The following NFXL1 variants were observed in gnomAD, a reference collection of about 807,000 sequenced individuals.
The protein encoded by NFXL1 is nuclear transcription factor, X-box binding like 1, also known as NF-X1-type zinc finger protein NFXL1.
Under a neutral mutation model 123.3 loss-of-function variants are expected in NFXL1, and 66 were observed. That is an observed-to-expected ratio of 0.54 (90% CI 0.44 to 0.66). The LOEUF is 0.66. NFXL1 is among the 30% of genes least tolerant of loss of function. The probability of loss-of-function intolerance (pLI) is 0.00; values close to 1 mark genes in which losing one functional copy is unlikely to be tolerated. For missense variants in NFXL1, 944 were observed against 1,125.6 expected (o/e 0.84, Z 2.31); for synonymous variants, 346 against 360.8 (o/e 0.96, Z 0.46).
intron 19 of NFXL1, 87 bp downstream of exon 19, chr4:47,862,759 G>T: frequency 1.3e-6 from 1 of 786,942 alleles, no homozygotes; most frequent in Non-Finnish European, 2.2e-6. Context: ...GAGAAGACCT[G>T]AAATAATTTG....
In NFXL1 at chr4:47,914,463, G is replaced by T; in HGVS notation, c.-101C>A. 2.4e-6 allele frequency: 1 copy of T among 417,300 alleles called. No homozygotes were observed. 25.8% of individuals were successfully genotyped at this position (417,300 alleles called of 1,614,324 possible). On this transcript the variant is annotated 5_prime_UTR_variant, in exon 1 of 23. It adds an upstream start codon to the 5' untranslated region. Coordinates refer to ENST00000507489, the MANE Select transcript of NFXL1 (RefSeq NM_001278624.2). ...TAAACCGCGGAGCAAGAAGCACACA[G>T]TGCCGAAGACAGAAAGCCGGAGGAG...
At chr4:47,904,172 A>G (rs1384659453) in intron 4 of NFXL1, among the ~76,000 whole-genome samples, 1 of 152,184 alleles carries the variant, frequency 6.6e-6, no homozygotes, top group Non-Finnish European at 1.5e-5. Flanking sequence ...GCTGATTACC[A>G]CTAAGGGCCA....
At chr4:47,871,186 T>TA (rs947246369) in intron 18 of NFXL1, among the ~76,000 whole-genome samples, 318 of 151,470 alleles carry the variant, frequency 2.1e-3, no homozygotes, top group African/African-American at 7.3e-3. Flanking sequence ...CTGTCTCTAC[T>TA]AAAAAAAATA....
In NFXL1 at chr4:47,910,925, TCAA is replaced by T. The variant is rs759881827; in HGVS notation, c.302_304del (p.Val101del). On this transcript the variant is annotated inframe_deletion, in exon 3 of 23. Transcript: ENST00000507489. ...TTCAGATGAAGAGCTAAACTGTTCT[TCAA>T]CAAGTTTTCTGGCTGCAGCTTGGTT... 2.9e-5 allele frequency: 47 copies of T among 1,608,962 alleles called. No individual in the cohort carries two copies. Among genetic ancestry groups the T allele is most frequent in the Non-Finnish European group, 3.8e-5 (45 of 1,177,702 alleles).
At chr4:47,885,799 A>C (rs1736393757) in intron 13 of NFXL1, 80 bp downstream of exon 13, 5 of 1,508,582 alleles carry the variant, frequency 3.3e-6, no homozygotes, top group Non-Finnish European at 4.5e-6. Flanking sequence ...ACACTAAAGC[A>C]AAATTAAATT....
At chr4:47,900,973 G>A (rs1186440789) in intron 5 of NFXL1, among the ~76,000 whole-genome samples, 1 of 152,100 alleles carries the variant, frequency 6.6e-6, no homozygotes, top group African/African-American at 2.4e-5. Context: ...TAGTGTGGAG[G>A]GGGATATGTA....
At chr4:47,850,994 T>G in intron 22 of NFXL1, 101 bp downstream of exon 22, 1 of 835,620 alleles carries the variant, frequency 1.2e-6, no homozygotes, top group Non-Finnish European at 2.0e-6. Flanking sequence ...CAGTTCACAA[T>G]AGAGACTAGA....
intron 15 of NFXL1, among the ~76,000 whole-genome samples, chr4:47,882,037 G>T (rs912855952): frequency 2.0e-5 from 3 of 152,094 alleles, no homozygotes; most frequent in Non-Finnish European, 4.4e-5. Context: ...GTAATCTGTG[G>T]ACTTTAGCTA....
At chr4:47,873,354 A>C (rs926380027) in intron 18 of NFXL1, among the ~76,000 whole-genome samples, 2 of 152,146 alleles carry the variant, frequency 1.3e-5, no homozygotes, top group Non-Finnish European at 2.9e-5. Context: ...ATTTACCCAG[A>C]TCTATCAGAG....
chr4:47,914,323 G>A, intron 1 of NFXL1, 42 bp downstream of exon 1: 1 of 827,604 alleles, frequency 1.2e-6, no homozygotes, highest in Non-Finnish European at 1.8e-6. Flanking sequence ...GGTTCCTGCA[G>A]GGCGGCGACC....
chr4:47,880,931 G>T (rs71609496), intron 15 of NFXL1, among the ~76,000 whole-genome samples: 2 of 151,422 alleles, frequency 1.3e-5, no homozygotes, highest in South Asian at 2.1e-4. Context: ...ATAAAAAGCA[G>T]AATAGTTACA....
At position 47,847,500 on chromosome 4, in the gene NFXL1, C is replaced by T. The variant is rs893003682; in HGVS notation, c.*663G>A. 4 of 152,154 alleles carry T rather than the reference C, an allele frequency of 2.6e-5. No homozygotes were observed. Among genetic ancestry groups the T allele is most frequent in the South Asian group, 4.1e-4 (2 of 4,828 alleles). 9.4% of individuals were successfully genotyped at this position (152,154 alleles called of 1,614,324 possible). A position where few individuals can be genotyped will look rare whatever the true frequency, so the allele number is the denominator to read the frequency against. ...TTCCTTTTATTATTTTTAAAAGACA[C>T]GCAAGTTTTACGAAACATGCCAACT... On this transcript the variant is annotated 3_prime_UTR_variant, in exon 23 of 23. Transcript: ENST00000507489.
chr4:47,876,709 T>A (rs1455275106), intron 17 of NFXL1, among the ~76,000 whole-genome samples: 1 of 152,002 alleles, frequency 6.6e-6, no homozygotes, highest in Non-Finnish European at 1.5e-5. Flanking sequence ...TAAAACAAAG[T>A]GAGTAGAAAT....
rs1734848477 is a variant in NFXL1 at position 47,862,933 on chromosome 4, G to A, written c.2247-18C>T. On this transcript the variant is annotated intron_variant, in intron 18 of 22. Transcript: ENST00000507489. Reference sequence around the variant, plus strand: ...TTATTTTTCTAAAAATAAGAAAGTTGATGACATTCAAACAAAAATCCATTT... The same window carrying A: ...TTATTTTTCTAAAAATAAGAAAGTTAATGACATTCAAACAAAAATCCATTT... The A allele has an allele frequency of 2.8e-6, 4 of 1,424,522 alleles. No individual in the cohort carries two copies. The East Asian group carries it at 9.4e-5, about 33-fold the overall frequency. 88.2% of individuals were successfully genotyped at this position (1,424,522 alleles called of 1,614,324 possible). A position where few individuals can be genotyped will look rare whatever the true frequency, so the allele number is the denominator to read the frequency against.
At position 47,896,603 on chromosome 4, in the gene NFXL1, T is replaced by C. The variant is rs756213560; in HGVS notation, c.1249A>G (p.Ser417Gly). 6.2e-7 allele frequency: 1 copy of C among 1,611,798 alleles called. No individual in the cohort carries two copies. The highest frequency in any genetic ancestry group is 1.1e-5 in the South Asian group (1 of 91,020). ...CCGCATTCAAGTACTTTGTCACAAC[T>C]GTCTCCACAAGTTGGTACATCTTCT... is the stretch of plus-strand genomic sequence containing the variant. ...CTEDVPTCGD[S>G]CDKVLECGIH... Residue 417 changes from serine (S) to glycine (G), a missense_variant, in exon 10 of 23, where the codon AGT becomes GGT. Ser to Gly is a moderately conservative substitution (Grantham distance 56, BLOSUM62 0). Coordinates refer to ENST00000507489, the MANE Select transcript of NFXL1 (RefSeq NM_001278624.2).
At chr4:47,866,777 A>AC (rs1320385646) in intron 18 of NFXL1, among the ~76,000 whole-genome samples, 4 of 152,212 alleles carry the variant, frequency 2.6e-5, no homozygotes, top group Non-Finnish European at 5.9e-5. Flanking sequence ...TAAACTGTAT[A>AC]AATCAAATGG....
intron 19 of NFXL1, among the ~76,000 whole-genome samples, chr4:47,856,067 A>C (rs1044275439): frequency 1.3e-5 from 2 of 152,044 alleles, no homozygotes; most frequent in Non-Finnish European, 2.9e-5. Flanking sequence ...TTTTTTAGGC[A>C]CTTCATATAT....
intron 19 of NFXL1, among the ~76,000 whole-genome samples, 195 bp downstream of exon 19, chr4:47,862,651 C>T (rs1490590673): frequency 6.6e-6 from 1 of 152,112 alleles, no homozygotes; most frequent in African/African-American, 2.4e-5. Context: ...AAAAAATCTT[C>T]AAAGGGTCAT....
intron 19 of NFXL1, among the ~76,000 whole-genome samples, chr4:47,860,067 A>C (rs1734667475): frequency 6.6e-6 from 1 of 152,070 alleles, no homozygotes; most frequent in Non-Finnish European, 1.5e-5. Context: ...TCTATTGTAC[A>C]AAATGATGAC....
Sources: allele counts gnomAD v4.1 joint callset (sites outside exome capture counted in the v4.1 genomes callset), GRCh38; gene constraint gnomAD v4.1.1; transcripts MANE v1.5; gene names NCBI Gene and HGNC (gene_info 2026-07-23, HGNC 2026-07-21).